The following SYNE1 variants were observed in gnomAD, a reference collection of about 807,000 sequenced individuals.
The protein encoded by SYNE1 is spectrin repeat containing nuclear envelope protein 1, also known as nesprin-1.
Under a neutral mutation model 1,111.0 loss-of-function variants are expected in SYNE1, and 616 were observed. The ratio of observed to expected loss-of-function variants is 0.55; its 90% confidence interval spans 0.52 to 0.59. The LOEUF (loss-of-function observed/expected upper bound fraction) is 0.59, where lower values mean the gene tolerates loss of function less well. Ranked by LOEUF, SYNE1 falls within the 20% of genes least tolerant of loss-of-function variation. The probability of loss-of-function intolerance (pLI) is 0.00; values close to 1 mark genes in which losing one functional copy is unlikely to be tolerated. For missense variants in SYNE1, 10,006 were observed against 10,417.0 expected (o/e 0.96, Z 1.72); for synonymous variants, 3,855 against 3,825.8 (o/e 1.01, Z -0.28).
rs549058931 is a variant in SYNE1 at position 152,316,952 on chromosome 6, A to G, written c.16607T>C (p.Leu5536Pro). The G allele has an allele frequency of 6.2e-7, 1 of 1,614,116 alleles. No individual in the cohort carries two copies. Among genetic ancestry groups the G allele is most frequent in the African/African-American group, 1.3e-5 (1 of 75,044 alleles). ...TTCAATCCACTTCAAAATTAATTCA[A>G]GCATTTCATTGTATTCTTCTAAATG... ...ASHLEEYNEM[L>P]ELILKWIEKA... The change falls in exon 87 of 146, where the codon CTT (leucine) becomes CCT (proline). Residue 5536 changes from leucine (L) to proline (P), a missense_variant. Transcript: ENST00000367255.
intron 14 of SYNE1, among the ~76,000 whole-genome samples, chr6:152,480,350 A>G (rs9397511): frequency 0.17 from 26,432 of 151,928 alleles, 2,564 homozygotes; most frequent in East Asian, 0.43. Context: ...GCGAAACCAC[A>G]TATCTACTAA....
chr6:152,269,496 CAT>C (rs1309826198), intron 98 of SYNE1, among the ~76,000 whole-genome samples: 2 of 152,154 alleles, frequency 1.3e-5, no homozygotes, highest in East Asian at 3.9e-4. Flanking sequence ...GATAATCACA[CAT>C]AGAACTGTTT....
intron 93 of SYNE1, 40 bp from the exon 94 acceptor site, chr6:152,294,167 CA>C (rs1407971934): frequency 1.9e-6 from 3 of 1,606,790 alleles, no homozygotes; most frequent in Non-Finnish European, 2.5e-6. Flanking sequence ...AACAAAAAGA[CA>C]AAGTCTAGAT....
chr6:152,216,016 G>C (rs986057768), intron 121 of SYNE1, among the ~76,000 whole-genome samples: 1 of 152,242 alleles, frequency 6.6e-6, no homozygotes, highest in East Asian at 1.9e-4. Context: ...TCAAACACAG[G>C]ACAATGTTGT....
At position 152,401,184 on chromosome 6, in the gene SYNE1, A is replaced by G. The variant is rs1317403604; in HGVS notation, c.6983T>C (p.Met2328Thr). 6.2e-6 allele frequency: 10 copies of G among 1,614,162 alleles called. No homozygotes were observed. Among genetic ancestry groups the G allele is most frequent in the East Asian group, 4.5e-5 (2 of 44,874 alleles). Residue 2328 changes from methionine (M) to threonine (T), a missense_variant, in exon 47 of 146, where the codon ATG becomes ACG. Physicochemically the swap from Met to Thr is moderately conservative, Grantham distance 81 (BLOSUM62 -1). Coordinates refer to ENST00000367255, the MANE Select transcript of SYNE1 (RefSeq NM_182961.4). ...TWFTKVEESL[M>T]NCAQNETCEA... ...ACAAGTCTCATTTTGGGCACAGTTCATCAACGATTCTTCCACTTTTGTGAA... is the reference window on the plus strand; with the variant it reads ...ACAAGTCTCATTTTGGGCACAGTTCGTCAACGATTCTTCCACTTTTGTGAA...
chr6:152,582,347 C>A (rs1160707095), intron 3 of SYNE1, among the ~76,000 whole-genome samples: 1 of 152,122 alleles, frequency 6.6e-6, no homozygotes, highest in African/African-American at 2.4e-5. Context: ...TCTCTCACAT[C>A]TCTCCTTGTA....
At chr6:152,543,401 C>G (rs1194967046) in intron 3 of SYNE1, among the ~76,000 whole-genome samples, 1 of 152,140 alleles carries the variant, frequency 6.6e-6, no homozygotes, top group Non-Finnish European at 1.5e-5. Flanking sequence ...AATTATTCAG[C>G]AAACCCTCAT....
intron 3 of SYNE1, among the ~76,000 whole-genome samples, chr6:152,576,352 A>G (rs78829654): frequency 0.02 from 2,982 of 152,164 alleles, 95 homozygotes; most frequent in African/African-American, 0.068. Flanking sequence ...AGTTTACAAC[A>G]CTCCCATGTA....
At chr6:152,278,330 C>A (rs957900199) in intron 97 of SYNE1, 50 bp from the exon 98 acceptor site, 1 of 1,600,292 alleles carries the variant, frequency 6.2e-7, no homozygotes. Flanking sequence ...CCAGCCTCTG[C>A]AAAGACTGTT....
intron 4 of SYNE1, among the ~76,000 whole-genome samples, chr6:152,535,198 C>T (rs965929112): frequency 2.0e-5 from 3 of 152,186 alleles, no homozygotes; most frequent in African/African-American, 7.2e-5. Flanking sequence ...TGCAGCTACC[C>T]AGAGACTTAG....
At chr6:152,251,694 G>A (rs2089323756) in intron 104 of SYNE1, among the ~76,000 whole-genome samples, 1 of 151,760 alleles carries the variant, frequency 6.6e-6, no homozygotes, top group Non-Finnish European at 1.5e-5. Flanking sequence ...GGGAGGCGGA[G>A]CTTGCAGTGA....
intron 124 of SYNE1, 31 bp downstream of exon 124, chr6:152,211,463 T>C: frequency 1.3e-6 from 2 of 1,576,616 alleles, no homozygotes; most frequent in Non-Finnish European, 8.7e-7. Flanking sequence ...TACTGGAACC[T>C]TTCTTTGTAA....
At chr6:152,484,637 T>C (rs1038775290) in intron 13 of SYNE1, among the ~76,000 whole-genome samples, 198 bp downstream of exon 13, 1 of 152,064 alleles carries the variant, frequency 6.6e-6, no homozygotes, top group African/African-American at 2.4e-5. Flanking sequence ...GGCAAGAAAA[T>C]AGCTGTTAAA....
intron 87 of SYNE1, 64 bp downstream of exon 87, chr6:152,316,785 A>G: frequency 6.3e-7 from 1 of 1,591,870 alleles, no homozygotes; most frequent in Non-Finnish European, 8.6e-7. Flanking sequence ...GTGTTGTGTC[A>G]GTCTACCCAG....
In SYNE1 at chr6:152,164,218, A is replaced by G. The variant is rs2153025589; in HGVS notation, c.23735T>C (p.Ile7912Thr). 2 of 1,614,148 alleles carry G rather than the reference A, an allele frequency of 1.2e-6. No individual in the cohort carries two copies. The highest frequency in any genetic ancestry group is 3.3e-5 in the Admixed American group (2 of 60,018). Residue 7912 changes from isoleucine (I) to threonine (T), a missense_variant, in exon 131 of 146, where the codon ATA (isoleucine) becomes ACA (threonine). Physicochemically the swap from Ile to Thr is moderately conservative, Grantham distance 89. Coordinates refer to ENST00000367255, the MANE Select transcript of SYNE1 (RefSeq NM_182961.4). ...AHIESELAKP[I>T]VYDSCNSEEI... ...TTCCGAGTTACAGGAATCGTAGACT[A>G]TTGGCTTGGCCAGCTCTGACTCGAT...
chr6:152,303,324 A>G (rs2095265875), intron 91 of SYNE1, among the ~76,000 whole-genome samples: 1 of 149,710 alleles, frequency 6.7e-6, no homozygotes, highest in Non-Finnish European at 1.5e-5. Flanking sequence ...AATTGCTTGA[A>G]CCCGGGAGAT....
intron 91 of SYNE1, among the ~76,000 whole-genome samples, chr6:152,308,000 T>G (rs1333680559): frequency 6.6e-6 from 1 of 151,958 alleles, no homozygotes; most frequent in Non-Finnish European, 1.5e-5. Flanking sequence ...ACCCAGCTAA[T>G]TTTTGTATTT....
intron 25 of SYNE1, among the ~76,000 whole-genome samples, chr6:152,452,784 T>A (rs1022235862): frequency 6.6e-6 from 1 of 152,150 alleles, no homozygotes; most frequent in Non-Finnish European, 1.5e-5. Flanking sequence ...TGGGACAGAC[T>A]CAGCTCATCT....
At chr6:152,379,153 G>A (rs1182991654) in intron 56 of SYNE1, among the ~76,000 whole-genome samples, 2 of 152,266 alleles carry the variant, frequency 1.3e-5, no homozygotes, top group Non-Finnish European at 2.9e-5. Flanking sequence ...AAAGTGAAAA[G>A]TTTTTGACCA....
Sources: gnomAD v4.1 joint callset for allele counts (sites outside exome capture counted in the v4.1 genomes callset) on GRCh38, gnomAD v4.1.1 for gene constraint, MANE v1.5 for transcripts, NCBI Gene and HGNC (gene_info 2026-07-23, HGNC 2026-07-21) for gene names.